The following FCHSD2 variants were observed in gnomAD, a reference collection of about 807,000 sequenced individuals.
FCHSD2 encodes the protein F-BAR and double SH3 domains protein 2.
A neutral mutation model predicts 108.1 loss-of-function variants in FCHSD2; 38 were observed. The observed-to-expected ratio is 0.35, with a 90% CI of 0.27 to 0.46. FCHSD2 has a LOEUF of 0.46. Ranked by LOEUF, FCHSD2 falls within the 20% of genes least tolerant of loss-of-function variation. The probability of loss-of-function intolerance (pLI) is 1.00; values close to 1 mark genes in which losing one functional copy is unlikely to be tolerated. For missense variants in FCHSD2, 751 were observed against 897.8 expected (o/e 0.84, Z 2.09); for synonymous variants, 279 against 314.7 (o/e 0.89, Z 1.20).
At chr11:73,050,948 A>G (rs1014123907) in intron 3 of FCHSD2, among the ~76,000 whole-genome samples, 1 of 152,244 alleles carries the variant, frequency 6.6e-6, no homozygotes, top group Non-Finnish European at 1.5e-5. Context: ...AGGCAAGTAC[A>G]GAAATTGAGA....
At chr11:72,924,406 T>C (rs1856034889) in intron 8 of FCHSD2, among the ~76,000 whole-genome samples, 2 of 151,344 alleles carry the variant, frequency 1.3e-5, no homozygotes, top group South Asian at 4.2e-4. Context: ...GCCTCCCGAG[T>C]AGCTGGGACT....
intron 12 of FCHSD2, among the ~76,000 whole-genome samples, chr11:72,879,999 C>CA (rs541384964): frequency 0.016 from 1,040 of 63,046 alleles, 25 homozygotes; most frequent in African/African-American, 0.054. Flanking sequence ...AATTCTGTCT[C>CA]AAAAAAAAAA....
intron 2 of FCHSD2, among the ~76,000 whole-genome samples, chr11:73,096,490 G>A (rs1048059221): frequency 5.3e-5 from 8 of 152,040 alleles, no homozygotes; most frequent in African/African-American, 1.9e-4. Context: ...GGCAGAGGTT[G>A]CAGTGAGCCG....
chr11:73,021,060 T>C (rs1009213782), intron 3 of FCHSD2, among the ~76,000 whole-genome samples: 3 of 151,994 alleles, frequency 2.0e-5, no homozygotes, highest in African/African-American at 7.2e-5. Flanking sequence ...AAATTTTTTG[T>C]AGAGATGGGG....
intron 8 of FCHSD2, among the ~76,000 whole-genome samples, chr11:72,926,611 C>T (rs1304050547): frequency 1.3e-5 from 2 of 152,098 alleles, no homozygotes; most frequent in Non-Finnish European, 1.5e-5. Context: ...GGACGATATG[C>T]CTACAGAGAG....
Position 72,989,042 on chromosome 11 carries a change from A to G in FCHSD2, c.443T>C (p.Leu148Ser), listed in dbSNP as rs1259227950. 6.2e-7 allele frequency: 1 copy of G among 1,610,142 alleles called. No homozygotes were observed. The highest frequency in any genetic ancestry group is 8.5e-7 in the Non-Finnish European group (1 of 1,177,618). ...QTELQETVKDLAKGKKKYFET... is the reference protein window; with the variant it reads ...QTELQETVKDSAKGKKKYFET... Reference sequence around the variant, plus strand: ...AAAGTATTTCTTTTTGCCTTTAGCTAAATCTTTCACTGTCTCTTGTAATTC... The same window carrying G: ...AAAGTATTTCTTTTTGCCTTTAGCTGAATCTTTCACTGTCTCTTGTAATTC... The change falls in exon 6 of 20, where the codon TTA becomes TCA. Residue 148 changes from leucine (L) to serine (S), a missense_variant. By Grantham distance (145) the Leu-to-Ser change is moderately radical. Coordinates refer to ENST00000409418, the MANE Select transcript of FCHSD2 (RefSeq NM_014824.3).
chr11:73,067,123 G>A (rs927869549), intron 3 of FCHSD2, among the ~76,000 whole-genome samples: 1 of 152,158 alleles, frequency 6.6e-6, no homozygotes, highest in African/African-American at 2.4e-5. Context: ...AGAAAATGTG[G>A]CACATATACA....
chr11:72,990,062 T>C (rs541233996), intron 5 of FCHSD2, among the ~76,000 whole-genome samples: 9 of 152,244 alleles, frequency 5.9e-5, no homozygotes, highest in Admixed American at 6.5e-5. Flanking sequence ...AAGAAAGGAC[T>C]ACAGGGGATG....
chr11:72,967,272 A>G (rs1010494805), intron 8 of FCHSD2, among the ~76,000 whole-genome samples: 2 of 152,042 alleles, frequency 1.3e-5, no homozygotes, highest in Non-Finnish European at 2.9e-5. Context: ...CAGTAAGAGC[A>G]ATATGTAAAA....
intron 18 of FCHSD2, 35 bp from the exon 19 acceptor site, chr11:72,840,994 G>A (rs1156551560): frequency 6.6e-7 from 1 of 1,511,182 alleles, no homozygotes; most frequent in Non-Finnish European, 9.2e-7. Context: ...CATTTTACTT[G>A]AGTTGTTGAG....
intron 2 of FCHSD2, among the ~76,000 whole-genome samples, chr11:73,116,362 T>A (rs564203322): frequency 6.6e-6 from 1 of 152,364 alleles, no homozygotes; most frequent in African/African-American, 2.4e-5. Context: ...TTGCTTGTAC[T>A]GTCCTGTTAG....
At chr11:72,985,351 A>C (rs1229637685) in intron 6 of FCHSD2, among the ~76,000 whole-genome samples, 1 of 149,618 alleles carries the variant, frequency 6.7e-6, no homozygotes, top group Non-Finnish European at 1.5e-5. Flanking sequence ...AAATATCCAG[A>C]ATGACCAAAA....
At position 72,958,993 on chromosome 11, in the gene FCHSD2, A is replaced by ATGTGTG. The variant is rs59339008; in HGVS notation, c.705+25089_705+25094dup. ...TATTACATATACTCATCAGTAAGATATGTGTGTGTGTGTGTGTGTGTGTGT... is the reference window on the plus strand; with the variant it reads ...TATTACATATACTCATCAGTAAGATATGTGTGTGTGTGTGTGTGTGTGTGTGTGTGT... On this transcript the variant is annotated intron_variant, in intron 8 of 19. Transcript: ENST00000409418. 1.0e-2 allele frequency among the ~76,000 whole-genome samples: 1,146 copies of ATGTGTG among 114,846 alleles called. 11 individuals are homozygous for ATGTGTG. The highest frequency in any genetic ancestry group is 0.024 in the East Asian group (89 of 3,688). 75.3% of individuals were successfully genotyped at this position (114,846 alleles called of 152,430 possible).
At chr11:73,054,781 T>C (rs1261800748) in intron 3 of FCHSD2, among the ~76,000 whole-genome samples, 1 of 151,404 alleles carries the variant, frequency 6.6e-6, no homozygotes, top group Non-Finnish European at 1.5e-5. Flanking sequence ...TCTTAAGTGA[T>C]CCCCCCCACC....
chr11:73,140,729 T>G (rs1490296974), intron 1 of FCHSD2, among the ~76,000 whole-genome samples: 3 of 152,248 alleles, frequency 2.0e-5, no homozygotes, highest in Non-Finnish European at 4.4e-5. Flanking sequence ...TATGCAGTGC[T>G]TTTAAACTAC....
At chr11:72,958,991 A>ATG (rs879814044) in intron 8 of FCHSD2, among the ~76,000 whole-genome samples, 1,073 of 41,740 alleles carry the variant, frequency 0.026, 6 homozygotes, top group Middle Eastern at 0.12. Context: ...CATCAGTAAG[A>ATG]TATGTGTGTG....
chr11:72,865,068 G>T (rs1854692464), intron 13 of FCHSD2, among the ~76,000 whole-genome samples: 1 of 152,238 alleles, frequency 6.6e-6, no homozygotes, highest in Admixed American at 6.5e-5. Flanking sequence ...AGTAGTCTGT[G>T]TCTTTTTAAA....
chr11:72,978,296 A>G (rs866611421), intron 8 of FCHSD2, among the ~76,000 whole-genome samples: 35 of 152,304 alleles, frequency 2.3e-4, no homozygotes, highest in Admixed American at 1.4e-3. Flanking sequence ...GTACCCCAGA[A>G]CTTAAAGTAT....
At chr11:73,049,085 G>A (rs892984455) in intron 3 of FCHSD2, among the ~76,000 whole-genome samples, 1 of 152,194 alleles carries the variant, frequency 6.6e-6, no homozygotes. Flanking sequence ...CATGGGTTCA[G>A]CGTAGGATGG....
Sources: allele counts gnomAD v4.1 joint callset (sites outside exome capture counted in the v4.1 genomes callset), GRCh38; gene constraint gnomAD v4.1.1; transcripts MANE v1.5; gene names NCBI Gene and HGNC (gene_info 2026-07-23, HGNC 2026-07-21).